Variants in BZW2 observed in about 807,000 individuals in gnomAD.
BZW2 encodes basic leucine zipper and W2 domains 2.
BZW2 carries 23 observed loss-of-function variants against 53.2 expected under a neutral mutation model. The observed-to-expected ratio is 0.43, with a 90% CI of 0.31 to 0.61. The LOEUF is 0.61. BZW2 is among the 20% of genes least tolerant of loss of function. The probability of loss-of-function intolerance (pLI) is 0.09; values close to 1 mark genes in which losing one functional copy is unlikely to be tolerated. For synonymous variants in BZW2, 227 were observed against 186.4 expected (o/e 1.22, Z -1.77); for missense variants, 409 against 503.1 (o/e 0.81, Z 1.79).
chr7:16,658,864 G>A (rs1362017560), intron 1 of BZW2, among the ~76,000 whole-genome samples: 4 of 150,158 alleles, frequency 2.7e-5, no homozygotes, highest in African/African-American at 9.9e-5. Flanking sequence ...AACAGAGCAA[G>A]AATCCGTCTC....
rs999217090 is a variant in BZW2, at chr7:16,646,282, C to G, written c.-14C>G. ...GCCTTGCGCGTCGTCGCTACCTCCT[C>G]GGACAGGTGAGAAGCAGCCCAGGTG... On this transcript the variant is annotated 5_prime_UTR_variant, in exon 1 of 12. Coordinates refer to ENST00000258761, the MANE Select transcript of BZW2 (RefSeq NM_014038.3). 3.8e-6 allele frequency: 1 copy of G among 260,832 alleles called. No individual in the cohort carries two copies. The allele number at this position is 260,832 out of a possible 1,614,324, so 16.2% of individuals were successfully genotyped here. A position where few individuals can be genotyped will look rare whatever the true frequency, so the allele number is the denominator to read the frequency against.
intron 1 of BZW2, among the ~76,000 whole-genome samples, chr7:16,663,862 C>T (rs1782339307): frequency 6.6e-6 from 1 of 152,114 alleles, no homozygotes; most frequent in African/African-American, 2.4e-5. Flanking sequence ...TCTTGTGGAG[C>T]AGGCCTTACA....
chr7:16,653,044 G>A (rs1782026924), intron 1 of BZW2, among the ~76,000 whole-genome samples: 1 of 152,090 alleles, frequency 6.6e-6, no homozygotes, highest in African/African-American at 2.4e-5. Context: ...TTGTGTGTGT[G>A]TGTGTGTGTG....
rs560205352 is a variant in BZW2, at chr7:16,646,202, A to ACTGCTGCTG, written c.-80_-72dup. The ACTGCTGCTG allele has an allele frequency of 2.7e-5, 9 of 337,716 alleles. No homozygotes were observed. Among genetic ancestry groups the ACTGCTGCTG allele is most frequent in the South Asian group, 1.5e-4 (7 of 46,134 alleles). The allele number at this position is 337,716 out of a possible 1,614,324, so 20.9% of individuals were successfully genotyped here. On this transcript the variant is annotated 5_prime_UTR_variant, in exon 1 of 12. Coordinates refer to ENST00000258761, the MANE Select transcript of BZW2 (RefSeq NM_014038.3). The stretch of plus-strand genomic sequence containing the variant: ...CTTCACTCCTCCATTGTCTGCCGCC[A>ACTGCTGCTG]CTGCTGCTGCTGCTGCTGCTGCCGC...
At chr7:16,677,876 G>C (rs1448869925) in intron 3 of BZW2, among the ~76,000 whole-genome samples, 1 of 152,068 alleles carries the variant, frequency 6.6e-6, no homozygotes, top group Non-Finnish European at 1.5e-5. Flanking sequence ...GTGCAGCCCA[G>C]ATTTCACTTC....
chr7:16,668,809 A>C (rs1330587664), intron 2 of BZW2, among the ~76,000 whole-genome samples: 6 of 152,228 alleles, frequency 3.9e-5, no homozygotes, highest in African/African-American at 7.2e-5. Flanking sequence ...ATGGCAGGAC[A>C]CATTATATAA....
At chr7:16,670,797 G>A (rs706031) in intron 2 of BZW2, among the ~76,000 whole-genome samples, 3,616 of 152,192 alleles carry the variant, frequency 0.024, 60 homozygotes, top group African/African-American at 0.049. Flanking sequence ...GTCACCATTT[G>A]CATGTTCTTG....
chr7:16,649,095 TA>T (rs1417073470), intron 1 of BZW2, among the ~76,000 whole-genome samples: 1 of 152,158 alleles, frequency 6.6e-6, no homozygotes, highest in Non-Finnish European at 1.5e-5. Context: ...ACCGCCCCCC[TA>T]AATTGACATC....
rs568734897 is a variant in BZW2 at position 16,665,353 on chromosome 7, A to C, written c.-7-84A>C. The C allele has an allele frequency of 2.8e-5, 43 of 1,517,222 alleles. No homozygotes were observed. In the African/African-American group the frequency reaches 5.5e-4, roughly 19 times the overall value. The allele number at this position is 1,517,222 out of a possible 1,614,324, so 94.0% of individuals were successfully genotyped here. The stretch of plus-strand genomic sequence containing the variant: ...TTCAGTAATGAGTGAGGTTGAACAT[A>C]TGTTCAACCAAACTTATTGGCCATA... On this transcript the variant is annotated intron_variant, in intron 1 of 11. Transcript: ENST00000258761.
At chr7:16,693,946 C>T (rs547848546) in intron 7 of BZW2, among the ~76,000 whole-genome samples, 1 of 152,278 alleles carries the variant, frequency 6.6e-6, no homozygotes, top group East Asian at 1.9e-4. Context: ...TACTGAGGCT[C>T]TTTCTGGAAC....
At chr7:16,661,272 AG>A (rs1192097603) in intron 1 of BZW2, 1 of 152,150 alleles carries the variant, frequency 6.6e-6, no homozygotes, top group Non-Finnish European at 1.5e-5. Flanking sequence ...CTGGTAGATC[AG>A]TTTCTTTCCA....
intron 1 of BZW2, among the ~76,000 whole-genome samples, chr7:16,657,933 G>A (rs938242210): frequency 6.6e-6 from 1 of 152,118 alleles, no homozygotes; most frequent in Admixed American, 6.6e-5. Context: ...AGGGCATTTT[G>A]TTAAAGTACC....
intron 2 of BZW2, among the ~76,000 whole-genome samples, chr7:16,669,419 T>G (rs536958309): frequency 3.9e-5 from 6 of 152,370 alleles, no homozygotes; most frequent in African/African-American, 1.4e-4. Flanking sequence ...TGAGCCACCA[T>G]GCCCAGCCAT....
chr7:16,665,223 T>C (rs1782386021), intron 1 of BZW2, among the ~76,000 whole-genome samples: 1 of 152,036 alleles, frequency 6.6e-6, no homozygotes. Context: ...GGATAATCAC[T>C]TGAACCCGGG....
chr7:16,675,877 C>T (rs1782748750), intron 3 of BZW2, among the ~76,000 whole-genome samples: 1 of 151,970 alleles, frequency 6.6e-6, no homozygotes, highest in Admixed American at 6.5e-5. Context: ...GTCAGGAGTT[C>T]GAGACCAGCT....
chr7:16,682,462 C>T (rs972257439), intron 4 of BZW2, among the ~76,000 whole-genome samples: 3 of 152,120 alleles, frequency 2.0e-5, no homozygotes, highest in African/African-American at 7.2e-5. Context: ...ATCTTTAACA[C>T]CTTCATTTCC....
rs150432401 is a variant in BZW2, at chr7:16,666,704, C to G, written c.58+1203C>G. Among the ~76,000 whole-genome samples the G allele has an allele frequency of 6.8e-3, 1,030 of 152,182 alleles. 15 individuals are homozygous for G. The highest frequency in any genetic ancestry group is 0.024 in the African/African-American group (988 of 41,548). On this transcript the variant is annotated intron_variant, in intron 2 of 11. Coordinates refer to ENST00000258761, the MANE Select transcript of BZW2 (RefSeq NM_014038.3). ...TTTATTTTTGAAATAGGGTCTTGCT[C>G]TGACACCTAGGCTGGAATACAGTGG...
chr7:16,668,989 C>G (rs1420577380), intron 2 of BZW2, among the ~76,000 whole-genome samples: 3 of 152,100 alleles, frequency 2.0e-5, no homozygotes, highest in Non-Finnish European at 4.4e-5. Flanking sequence ...AATAATCAAA[C>G]TGTTCTTTCT....
intron 8 of BZW2, 146 bp from the exon 9 acceptor site, chr7:16,696,769 C>T (rs530245754): frequency 5.0e-6 from 4 of 799,252 alleles, no homozygotes; most frequent in Non-Finnish European, 8.1e-6. Context: ...CTCCCTCTTC[C>T]AGTCTGAGAA....
Sources: gnomAD v4.1 joint callset for allele counts (sites outside exome capture counted in the v4.1 genomes callset) on GRCh38, gnomAD v4.1.1 for gene constraint, MANE v1.5 for transcripts, NCBI Gene and HGNC (gene_info 2026-07-23, HGNC 2026-07-21) for gene names.